The following OCA2 variants were observed in gnomAD, a reference collection of about 807,000 sequenced individuals.
OCA2 encodes the protein P protein.
Under a neutral mutation model 100.2 loss-of-function variants are expected in OCA2, and 77 were observed. That is an observed-to-expected ratio of 0.77 (90% confidence interval 0.64 to 0.93). OCA2 has a LOEUF of 0.93. OCA2 is among the 40% of genes least tolerant of loss of function. The pLI is 0.00. For missense variants in OCA2, 1,062 were observed against 1,089.1 expected (o/e 0.98, Z 0.35); for synonymous variants, 432 against 439.2 (o/e 0.98, Z 0.21).
chr15:27,865,099 A>G (rs1030578844), intron 21 of OCA2, among the ~76,000 whole-genome samples: 10 of 151,886 alleles, frequency 6.6e-5, no homozygotes, highest in Admixed American at 1.3e-4. Context: ...TGACAACGCA[A>G]ATGTAGCAGA....
intron 23 of OCA2, among the ~76,000 whole-genome samples, chr15:27,791,166 AG>A (rs1469412030): frequency 2.0e-5 from 3 of 152,160 alleles, no homozygotes; most frequent in Non-Finnish European, 2.9e-5. Context: ...ACTTGTTACC[AG>A]GCAGCCTTGT....
chr15:27,811,778 G>A (rs1213149881), intron 23 of OCA2, among the ~76,000 whole-genome samples: 1 of 152,126 alleles, frequency 6.6e-6, no homozygotes, highest in East Asian at 1.9e-4. Flanking sequence ...TAAGCCATAT[G>A]GGCCTCAGCT....
intron 9 of OCA2, among the ~76,000 whole-genome samples, chr15:28,009,086 C>T (rs767757570): frequency 1.3e-5 from 2 of 152,204 alleles, no homozygotes; most frequent in African/African-American, 2.4e-5. Flanking sequence ...ATAGGGCTGG[C>T]GATTGCATCC....
intron 18 of OCA2, among the ~76,000 whole-genome samples, chr15:27,942,576 G>A (rs1420249559): frequency 6.6e-6 from 1 of 152,046 alleles, no homozygotes; most frequent in Non-Finnish European, 1.5e-5. Context: ...AAGTGTTCTG[G>A]AATTGGATAC....
At chr15:27,956,869 G>A (rs946430194) in intron 16 of OCA2, among the ~76,000 whole-genome samples, 4 of 152,210 alleles carry the variant, frequency 2.6e-5, no homozygotes, top group Non-Finnish European at 5.9e-5. Context: ...ACCCCTCAGT[G>A]CACAGCGAAT....
rs545805996 is a variant in OCA2 at position 27,761,674 on chromosome 15, A to G, written c.2433-6202T>C. 3.2e-4 allele frequency among the ~76,000 whole-genome samples: 49 copies of G among 152,302 alleles called. No individual in the cohort carries two copies. The South Asian group carries it at 9.5e-3, about 30-fold the overall frequency. On this transcript the variant is annotated intron_variant, in intron 23 of 23. Coordinates refer to ENST00000354638, the MANE Select transcript of OCA2 (RefSeq NM_000275.3). ...TAGAATAGCAAAGACAATCTTAACA[A>G]AGAAGAACTGAATGGGAGACCCTCT... is the stretch of plus-strand genomic sequence containing the variant.
intron 1 of OCA2, among the ~76,000 whole-genome samples, 195 bp from the exon 2 acceptor site, chr15:28,082,090 C>T (rs1007437232): frequency 6.6e-6 from 1 of 152,130 alleles, no homozygotes; most frequent in Admixed American, 6.5e-5. Flanking sequence ...TGGGAACTTG[C>T]AGAACATTTC....
intron 19 of OCA2, among the ~76,000 whole-genome samples, chr15:27,910,237 A>G (rs1402440398): frequency 6.6e-6 from 1 of 152,246 alleles, no homozygotes; most frequent in Admixed American, 6.5e-5. Context: ...ACACTCACAT[A>G]ATGCCAGTGG....
At chr15:28,090,960 G>GA (rs944160997) in intron 1 of OCA2, among the ~76,000 whole-genome samples, 5 of 151,558 alleles carry the variant, frequency 3.3e-5, no homozygotes, top group African/African-American at 7.3e-5. Context: ...GACTGGCAAA[G>GA]AAAAAAAACA....
intron 2 of OCA2, among the ~76,000 whole-genome samples, chr15:28,071,500 C>T (rs8032056): frequency 0.074 from 11,237 of 152,198 alleles, 1,250 homozygotes; most frequent in African/African-American, 0.24. Context: ...GAAGGCATCA[C>T]GTTACCCAAC....
intron 23 of OCA2, among the ~76,000 whole-genome samples, chr15:27,804,394 C>T (rs2151188037): frequency 6.6e-6 from 1 of 152,290 alleles, no homozygotes; most frequent in Non-Finnish European, 1.5e-5. Context: ...GTGTTGGGTT[C>T]TTTGCACTTA....
chr15:27,967,682 A>G (rs761501299), intron 14 of OCA2, among the ~76,000 whole-genome samples: 26 of 152,236 alleles, frequency 1.7e-4, no homozygotes, highest in Non-Finnish European at 3.5e-4. Flanking sequence ...GACCAGCCGC[A>G]GGGACTCAAG....
At chr15:27,829,634 C>G (rs1050808637) in intron 23 of OCA2, among the ~76,000 whole-genome samples, 2 of 152,112 alleles carry the variant, frequency 1.3e-5, no homozygotes, top group Non-Finnish European at 2.9e-5. Flanking sequence ...TGGCTGTGGC[C>G]AACATGGCCT....
chr15:28,070,457 C>A (rs1245066228), intron 2 of OCA2, among the ~76,000 whole-genome samples: 8 of 123,052 alleles, frequency 6.5e-5, no homozygotes, highest in South Asian at 5.5e-4. Flanking sequence ...TCAGCCCCCC[C>A]ACCCGGCCAG....
chr15:27,945,723 C>G (rs950333744), intron 18 of OCA2, among the ~76,000 whole-genome samples: 8 of 152,094 alleles, frequency 5.3e-5, no homozygotes, highest in African/African-American at 1.9e-4. Context: ...ATTTCAAAAC[C>G]ATAATCAGGG....
intron 1 of OCA2, among the ~76,000 whole-genome samples, chr15:28,095,595 T>A (rs955825499): frequency 2.0e-5 from 3 of 151,370 alleles, no homozygotes; most frequent in African/African-American, 7.3e-5. Context: ...CGCGTGCCTG[T>A]AATCCCAGCT....
At chr15:28,051,345 T>C (rs1393026660) in intron 2 of OCA2, among the ~76,000 whole-genome samples, 1 of 152,152 alleles carries the variant, frequency 6.6e-6, no homozygotes, top group Non-Finnish European at 1.5e-5. Context: ...CAGGCTGGAG[T>C]GCAATGGTGT....
At chr15:28,048,739 C>T (rs1048677746) in intron 2 of OCA2, among the ~76,000 whole-genome samples, 1 of 152,146 alleles carries the variant, frequency 6.6e-6, no homozygotes, top group African/African-American at 2.4e-5. Context: ...GGCACGGTGG[C>T]TCATGACCAT....
chr15:27,755,537 C>G, intron 23 of OCA2, 65 bp from the exon 24 acceptor site: 1 of 1,266,110 alleles, frequency 7.9e-7, no homozygotes, highest in South Asian at 1.2e-5. Context: ...GATACGGACT[C>G]ATAGCTCATG....
Sources: allele counts gnomAD v4.1 joint callset (sites outside exome capture counted in the v4.1 genomes callset), GRCh38; gene constraint gnomAD v4.1.1; transcripts MANE v1.5; gene names NCBI Gene and HGNC (gene_info 2026-07-23, HGNC 2026-07-21).